The following TSHZ2 variants were observed in gnomAD, a reference collection of about 807,000 sequenced individuals.
TSHZ2 encodes the protein teashirt zinc finger homeobox 2, also known as teashirt homolog 2.
TSHZ2 carries 21 observed loss-of-function variants against 74.4 expected under a neutral mutation model. That is an observed-to-expected ratio of 0.28 (90% confidence interval 0.20 to 0.41). The LOEUF (loss-of-function observed/expected upper bound fraction) is 0.41, where lower values mean the gene tolerates loss of function less well. Ranked by LOEUF, TSHZ2 falls within the 10% of genes least tolerant of loss-of-function variation. TSHZ2 has a pLI of 1.00. For synonymous variants in TSHZ2, 540 were observed against 515.3 expected (o/e 1.05, Z -0.65); for missense variants, 1,244 against 1,293.5 (o/e 0.96, Z 0.59).
At chr20:53,365,113 A>G (rs1202123797) in intron 2 of TSHZ2, among the ~76,000 whole-genome samples, 1 of 152,248 alleles carries the variant, frequency 6.6e-6, no homozygotes, top group Non-Finnish European at 1.5e-5. Flanking sequence ...ACTCTACACT[A>G]GTCAAGAAAA....
At chr20:53,325,486 C>T (rs1456322392) in intron 2 of TSHZ2, among the ~76,000 whole-genome samples, 3 of 152,186 alleles carry the variant, frequency 2.0e-5, no homozygotes, top group African/African-American at 7.2e-5. Context: ...CACTGCCTTC[C>T]AGTGAAACAC....
At chr20:53,454,490 A>G (rs1984965725) in intron 2 of TSHZ2, among the ~76,000 whole-genome samples, 1 of 151,592 alleles carries the variant, frequency 6.6e-6, no homozygotes, top group Non-Finnish European at 1.5e-5. Context: ...TGAACCCAGG[A>G]GGTGGAGGTT....
intron 1 of TSHZ2, among the ~76,000 whole-genome samples, chr20:53,147,357 TA>T (rs1987566961): frequency 6.6e-6 from 1 of 152,240 alleles, no homozygotes; most frequent in African/African-American, 2.4e-5. Flanking sequence ...TATCTCTGTA[TA>T]AACTCCATTT....
chr20:53,368,762 A>T (rs1159452306), intron 2 of TSHZ2, among the ~76,000 whole-genome samples: 3 of 152,236 alleles, frequency 2.0e-5, no homozygotes, highest in African/African-American at 4.8e-5. Flanking sequence ...CTCAGTATGA[A>T]GTATTGAACT....
intron 1 of TSHZ2, among the ~76,000 whole-genome samples, chr20:53,073,858 C>G (rs527645564): frequency 6.6e-6 from 1 of 152,122 alleles, no homozygotes; most frequent in Admixed American, 6.5e-5. Context: ...TTCCACTGAC[C>G]TCAGTGTTTG....
chr20:53,409,108 T>G (rs1370865763), intron 2 of TSHZ2, among the ~76,000 whole-genome samples: 1 of 152,200 alleles, frequency 6.6e-6, no homozygotes, highest in Non-Finnish European at 1.5e-5. Context: ...TGTATCATAT[T>G]GCTGAGAGCT....
intron 1 of TSHZ2, among the ~76,000 whole-genome samples, chr20:53,162,253 A>G (rs1380672923): frequency 6.6e-6 from 1 of 152,216 alleles, no homozygotes; most frequent in Non-Finnish European, 1.5e-5. Context: ...TCCTCTAAAG[A>G]ACTTCACGGA....
chr20:53,474,848 G>T (rs201514409), intron 2 of TSHZ2, among the ~76,000 whole-genome samples: 11,128 of 142,284 alleles, frequency 0.078, 540 homozygotes, highest in East Asian at 0.17. Flanking sequence ...AAAAGGCAGG[G>T]GTTGCAATCC....
chr20:53,106,391 C>CTTTTTT (rs71194458), intron 1 of TSHZ2, among the ~76,000 whole-genome samples: 2,023 of 59,002 alleles, frequency 0.034, 422 homozygotes, highest in Non-Finnish European at 0.043. Flanking sequence ...CTCACACTTT[C>CTTTTTT]TTTTTTTTTT....
intron 2 of TSHZ2, among the ~76,000 whole-genome samples, chr20:53,304,438 T>A (rs1261229083): frequency 1.3e-5 from 2 of 151,968 alleles, no homozygotes; most frequent in Non-Finnish European, 2.9e-5. Flanking sequence ...TAGGCTGCCA[T>A]GATGCTTGTT....
intron 2 of TSHZ2, among the ~76,000 whole-genome samples, chr20:53,362,127 G>A (rs561551110): frequency 4.8e-4 from 73 of 151,348 alleles, no homozygotes; most frequent in African/African-American, 1.7e-3. Flanking sequence ...TGGGCCTCCC[G>A]AAGTGCTGGC....
At chr20:53,380,407 T>C (rs1600593354) in intron 2 of TSHZ2, among the ~76,000 whole-genome samples, 1 of 152,230 alleles carries the variant, frequency 6.6e-6, no homozygotes, top group East Asian at 1.9e-4. Flanking sequence ...TTTTAAAGTA[T>C]GTTAATTTCT....
intron 2 of TSHZ2, among the ~76,000 whole-genome samples, chr20:53,286,491 G>A (rs1355824624): frequency 6.6e-6 from 1 of 152,174 alleles, no homozygotes; most frequent in Admixed American, 6.5e-5. Flanking sequence ...GATTGGAGGT[G>A]TCACCTTTAT....
intron 1 of TSHZ2, among the ~76,000 whole-genome samples, chr20:53,122,310 AAAC>A (rs1295395056): frequency 1.3e-5 from 2 of 151,834 alleles, no homozygotes; most frequent in Non-Finnish European, 2.9e-5. Flanking sequence ...AAAAGAAAGA[AAAC>A]AACAGCAACA....
intron 2 of TSHZ2, among the ~76,000 whole-genome samples, chr20:53,410,615 ATTAT>A (rs1450480315): frequency 6.8e-6 from 1 of 147,432 alleles, no homozygotes; most frequent in African/African-American, 2.5e-5. Context: ...TATTATTATT[ATTAT>A]TATTATTAGC....
intron 2 of TSHZ2, among the ~76,000 whole-genome samples, chr20:53,299,129 A>C (rs1991433079): frequency 6.6e-6 from 1 of 152,226 alleles, no homozygotes; most frequent in Non-Finnish European, 1.5e-5. Flanking sequence ...GATGATGTAT[A>C]GCTAACTAGA....
chr20:53,185,794 A>C, intron 1 of TSHZ2: 1 of 1,258,840 alleles, frequency 7.9e-7, no homozygotes, highest in Non-Finnish European at 1.1e-6. Flanking sequence ...CTAATTAATA[A>C]TCCCTTGCTT....
chr20:53,341,240 C>T (rs1010581698), intron 2 of TSHZ2, among the ~76,000 whole-genome samples: 3 of 152,140 alleles, frequency 2.0e-5, no homozygotes, highest in Non-Finnish European at 4.4e-5. Flanking sequence ...CACCTCCGAT[C>T]GCCAGCCTTC....
intron 1 of TSHZ2, among the ~76,000 whole-genome samples, chr20:53,086,223 A>G (rs1192030321): frequency 6.6e-6 from 1 of 152,244 alleles, no homozygotes; most frequent in East Asian, 1.9e-4. Context: ...GGGCGCTGGC[A>G]TAGACCAGGG....
Sources: gnomAD v4.1 joint callset for allele counts (sites outside exome capture counted in the v4.1 genomes callset) on GRCh38, gnomAD v4.1.1 for gene constraint, MANE v1.5 for transcripts, NCBI Gene and HGNC (gene_info 2026-07-23, HGNC 2026-07-21) for gene names.